Variants in CDH18 observed in about 807,000 individuals in gnomAD.
CDH18 encodes cadherin 18, also known as cadherin-18.
In CDH18, 31 loss-of-function variants were observed where a neutral mutation model predicts 67.9. The observed-to-expected ratio is 0.46, with a 90% CI of 0.34 to 0.62. CDH18 has a LOEUF of 0.62. CDH18 is among the 20% of genes least tolerant of loss of function. The pLI is 0.01. For missense variants in CDH18, 890 were observed against 975.5 expected, an observed-to-expected ratio of 0.91 and a Z score of 1.17; for synonymous variants, 362 against 347.2, an observed-to-expected ratio of 1.04 and a Z score of -0.48.
chr5:20,026,930 C>T (rs553761762), intron 2 of CDH18, among the ~76,000 whole-genome samples: 2 of 150,848 alleles, frequency 1.3e-5, no homozygotes, highest in Admixed American at 1.3e-4. Flanking sequence ...GCACTCCAGT[C>T]TGGGTGACAG....
At chr5:20,413,173 G>A (rs1297615681) in intron 1 of CDH18, among the ~76,000 whole-genome samples, 1 of 152,088 alleles carries the variant, frequency 6.6e-6, no homozygotes, top group Non-Finnish European at 1.5e-5. Flanking sequence ...AGTATTCCGT[G>A]GTGTATATGT....
chr5:19,488,035 C>T (rs1332792909), intron 11 of CDH18, among the ~76,000 whole-genome samples: 1 of 152,080 alleles, frequency 6.6e-6, no homozygotes, highest in Non-Finnish European at 1.5e-5. Flanking sequence ...TAGTAGAATA[C>T]AAGTCACATG....
rs555455547 is a variant in CDH18, at chr5:19,523,965, C to T, written c.1391-3187G>A. ...GCAATCTTAGAAACAAATTGTTGTT[C>T]TCAGAAATGTGTCAGAAGACTGCAT... is the stretch of plus-strand genomic sequence containing the variant. On this transcript the variant is annotated intron_variant, in intron 9 of 12. Transcript: ENST00000382275. 1.2e-4 allele frequency among the ~76,000 whole-genome samples: 19 copies of T among 152,102 alleles called. No individual in the cohort carries two copies. In the East Asian group the frequency reaches 3.7e-3, roughly 29 times the overall value.
At chr5:20,156,449 C>G (rs1252180119) in intron 2 of CDH18, among the ~76,000 whole-genome samples, 1 of 152,018 alleles carries the variant, frequency 6.6e-6, no homozygotes, top group Non-Finnish European at 1.5e-5. Flanking sequence ...GCAGCTGGAG[C>G]CCATTATCCT....
At chr5:20,133,877 C>A (rs1749476118) in intron 2 of CDH18, among the ~76,000 whole-genome samples, 1 of 152,152 alleles carries the variant, frequency 6.6e-6, no homozygotes, top group Admixed American at 6.6e-5. Flanking sequence ...TTGACATTAT[C>A]ATTCGAAAAA....
At chr5:19,725,177 C>T (rs967924663) in intron 4 of CDH18, among the ~76,000 whole-genome samples, 3 of 151,968 alleles carry the variant, frequency 2.0e-5, no homozygotes, top group South Asian at 2.1e-4. Context: ...CCACCCACCT[C>T]GGCCTCCCAA....
chr5:19,593,621 T>A (rs575062084), intron 6 of CDH18, among the ~76,000 whole-genome samples: 1 of 132,490 alleles, frequency 7.5e-6, no homozygotes, highest in Admixed American at 7.8e-5. Context: ...CCCCTCCCGT[T>A]CTTCCTCCTC....
chr5:20,375,709 G>A (rs1743357605), intron 1 of CDH18, among the ~76,000 whole-genome samples: 5 of 151,978 alleles, frequency 3.3e-5, no homozygotes. Flanking sequence ...TCCCTCTGCT[G>A]GATACAAATT....
chr5:19,625,740 T>G (rs2150158220), intron 5 of CDH18, among the ~76,000 whole-genome samples: 1 of 149,990 alleles, frequency 6.7e-6, no homozygotes, highest in African/African-American at 2.5e-5. Context: ...TGGGAGGGGG[T>G]CCCTGGCAAA....
chr5:19,901,793 C>G (rs565623189), intron 2 of CDH18, among the ~76,000 whole-genome samples: 1 of 151,634 alleles, frequency 6.6e-6, no homozygotes, highest in South Asian at 2.1e-4. Flanking sequence ...TAGTAACTCA[C>G]CATTACCACC....
chr5:20,254,267 CA>C (rs1244434826), intron 2 of CDH18, among the ~76,000 whole-genome samples: 1 of 152,094 alleles, frequency 6.6e-6, no homozygotes, highest in African/African-American at 2.4e-5. Context: ...CACGTGCCAC[CA>C]CACCTAGCTA....
At chr5:20,565,070 G>A (rs12332147) in intron 1 of CDH18, among the ~76,000 whole-genome samples, 23,233 of 152,080 alleles carry the variant, frequency 0.15, 1,959 homozygotes, top group African/African-American at 0.21. Flanking sequence ...TCACCCTAGT[G>A]AGTCACCATA....
chr5:20,316,329 A>C (rs1038536643), intron 1 of CDH18, among the ~76,000 whole-genome samples: 10 of 152,100 alleles, frequency 6.6e-5, no homozygotes, highest in Non-Finnish European at 1.2e-4. Context: ...GAAACAGCTG[A>C]AACTTGAAAT....
chr5:20,212,396 C>T (rs1002438704), intron 2 of CDH18, among the ~76,000 whole-genome samples: 2 of 152,048 alleles, frequency 1.3e-5, no homozygotes, highest in African/African-American at 2.4e-5. Context: ...CCAGCAAGGC[C>T]GGCCAACATT....
intron 2 of CDH18, among the ~76,000 whole-genome samples, chr5:20,140,332 G>A (rs1037601049): frequency 1.3e-5 from 2 of 151,988 alleles, no homozygotes; most frequent in Non-Finnish European, 2.9e-5. Flanking sequence ...GTTGGGGAGG[G>A]GGAAGGGATA....
At chr5:20,018,435 G>A (rs1478662759) in intron 2 of CDH18, among the ~76,000 whole-genome samples, 4 of 152,178 alleles carry the variant, frequency 2.6e-5, no homozygotes, top group African/African-American at 9.7e-5. Context: ...GAGTAAACAT[G>A]TGAAGCATTA....
At chr5:19,695,564 A>T (rs1762433952) in intron 5 of CDH18, among the ~76,000 whole-genome samples, 1 of 152,202 alleles carries the variant, frequency 6.6e-6, no homozygotes, top group African/African-American at 2.4e-5. Flanking sequence ...AAATAGTCAT[A>T]AAATCACAAT....
intron 2 of CDH18, among the ~76,000 whole-genome samples, chr5:20,050,759 A>C (rs1741349021): frequency 6.6e-6 from 1 of 151,874 alleles, no homozygotes; most frequent in Admixed American, 6.6e-5. Context: ...ACAGTCCATT[A>C]TTAACCCAAA....
chr5:20,001,785 C>T (rs1736462400), intron 2 of CDH18, among the ~76,000 whole-genome samples: 1 of 152,130 alleles, frequency 6.6e-6, no homozygotes, highest in South Asian at 2.1e-4. Flanking sequence ...ACACCACAGG[C>T]TTAGGTGAAC....
Sources: allele counts gnomAD v4.1 joint callset (sites outside exome capture counted in the v4.1 genomes callset), GRCh38; gene constraint gnomAD v4.1.1; transcripts MANE v1.5; gene names NCBI Gene and HGNC (gene_info 2026-07-23, HGNC 2026-07-21).